The following POFUT3 variants were observed in gnomAD, a reference collection of about 807,000 sequenced individuals.
The protein encoded by POFUT3 is protein O-fucosyltransferase 3, also known as GDP-fucose protein O-fucosyltransferase 3.
At chr8:33,394,732 A>G in the POFUT3 span, among the ~76,000 whole-genome samples, 1 of 151,988 alleles carries the variant, frequency 6.6e-6, no homozygotes, top group Admixed American at 6.6e-5. Context: ...ATATAAATCC[A>G]TCTCTAAAGC....
At chr8:33,349,482 G>A in the POFUT3 span, among the ~76,000 whole-genome samples, 1 of 151,950 alleles carries the variant, frequency 6.6e-6, no homozygotes, top group African/African-American at 2.4e-5. Context: ...TCATTCTTAT[G>A]CCTTTGCATC....
At chr8:33,380,202 C>CTATA in the POFUT3 span, among the ~76,000 whole-genome samples, 8 of 37,652 alleles carry the variant, frequency 2.1e-4, no homozygotes, top group East Asian at 4.3e-3. Context: ...TATATATATA[C>CTATA]TATATATATA....
the POFUT3 span, among the ~76,000 whole-genome samples, chr8:33,411,069 T>A: frequency 6.6e-6 from 1 of 152,076 alleles, no homozygotes; most frequent in South Asian, 2.1e-4. Flanking sequence ...TGAAAATAAA[T>A]CCTCCCCCAG....
the POFUT3 span, among the ~76,000 whole-genome samples, chr8:33,326,372 GTCTA>G: frequency 1.3e-5 from 2 of 152,014 alleles, no homozygotes; most frequent in Admixed American, 6.6e-5. Context: ...CCCACTCTAC[GTCTA>G]TCTGAGTATC....
the POFUT3 span, among the ~76,000 whole-genome samples, chr8:33,385,131 C>A: frequency 2.0e-5 from 3 of 152,336 alleles, no homozygotes; most frequent in African/African-American, 7.2e-5. Flanking sequence ...CAGGAACCAA[C>A]CCATTGAAGT....
the POFUT3 span, among the ~76,000 whole-genome samples, chr8:33,416,859 G>C: frequency 6.8e-6 from 1 of 147,400 alleles, no homozygotes; most frequent in East Asian, 2.0e-4. Context: ...AAGAAAGAAA[G>C]AAAAGAAAAA....
At chr8:33,339,474 C>A in the POFUT3 span, among the ~76,000 whole-genome samples, 3 of 152,040 alleles carry the variant, frequency 2.0e-5, no homozygotes, top group South Asian at 2.1e-4. Context: ...GTATTTGGAA[C>A]CCTGGAAGGA....
At chr8:33,317,759 A>G in the POFUT3 span, among the ~76,000 whole-genome samples, 1 of 152,062 alleles carries the variant, frequency 6.6e-6, no homozygotes, top group African/African-American at 2.4e-5. Flanking sequence ...CTGGGCAAGC[A>G]AACCCCAGTT....
the POFUT3 span, among the ~76,000 whole-genome samples, chr8:33,328,345 C>A: frequency 6.6e-6 from 1 of 151,836 alleles, no homozygotes; most frequent in South Asian, 2.1e-4. Context: ...AGGTTTTACT[C>A]CTGCTTTTTC....
chr8:33,420,640 A>C, the POFUT3 span, among the ~76,000 whole-genome samples: 1 of 152,172 alleles, frequency 6.6e-6, no homozygotes, highest in Admixed American at 6.5e-5. Flanking sequence ...TATCTGGGGA[A>C]ATTCATTAAA....
At chr8:33,456,751 A>T in the POFUT3 span, among the ~76,000 whole-genome samples, 1 of 149,216 alleles carries the variant, frequency 6.7e-6, no homozygotes, top group Non-Finnish European at 1.5e-5. Flanking sequence ...GGGGCAGAAA[A>T]GCCTTTTATT....
the POFUT3 span, among the ~76,000 whole-genome samples, chr8:33,470,320 C>T: frequency 6.7e-6 from 1 of 149,914 alleles, no homozygotes; most frequent in African/African-American, 2.5e-5. Flanking sequence ...TACCAGGAGG[C>T]TGAGCAGGAG....
At chr8:33,423,076 C>G in the POFUT3 span, among the ~76,000 whole-genome samples, 1 of 152,040 alleles carries the variant, frequency 6.6e-6, no homozygotes, top group African/African-American at 2.4e-5. Context: ...CTTGGCCTCC[C>G]AAAGTGCCGG....
the POFUT3 span, among the ~76,000 whole-genome samples, chr8:33,393,157 G>C: frequency 6.6e-6 from 1 of 152,166 alleles, no homozygotes; most frequent in Non-Finnish European, 1.5e-5. Context: ...AATGCCTACT[G>C]TAACAAGAGT....
At chr8:33,397,118 T>A in the POFUT3 span, among the ~76,000 whole-genome samples, 2 of 152,222 alleles carry the variant, frequency 1.3e-5, no homozygotes, top group Non-Finnish European at 2.9e-5. Flanking sequence ...ATCGTTTGTT[T>A]CACAAAACTC....
At chr8:33,353,757 A>G in the POFUT3 span, among the ~76,000 whole-genome samples, 2,024 of 152,252 alleles carry the variant, frequency 0.013, 45 homozygotes, top group African/African-American at 0.045. Flanking sequence ...ATGCCCTCAG[A>G]AGCCAAGAAA....
chr8:33,330,575 T>A, the POFUT3 span, among the ~76,000 whole-genome samples: 1 of 152,234 alleles, frequency 6.6e-6, no homozygotes, highest in Non-Finnish European at 1.5e-5. Flanking sequence ...CTTGTTGGCC[T>A]GATAATTTAC....
the POFUT3 span, among the ~76,000 whole-genome samples, chr8:33,434,452 C>G: frequency 6.6e-6 from 1 of 152,176 alleles, no homozygotes; most frequent in Admixed American, 6.5e-5. Flanking sequence ...TCCCAGAGGG[C>G]ATGATGGAAA....
chr8:33,308,299 T>C, the POFUT3 span, among the ~76,000 whole-genome samples: 4 of 152,160 alleles, frequency 2.6e-5, no homozygotes, highest in Non-Finnish European at 5.9e-5. Flanking sequence ...AATTGAATCA[T>C]AAAAATTAAT....
Sources: allele counts gnomAD v4.1 joint callset (sites outside exome capture counted in the v4.1 genomes callset), GRCh38; gene constraint gnomAD v4.1.1; transcripts MANE v1.5; gene names NCBI Gene and HGNC (gene_info 2026-07-23, HGNC 2026-07-21).